The following CNIH3 variants were observed in gnomAD, a reference collection of about 807,000 sequenced individuals.
CNIH3 encodes protein cornichon homolog 3.
In CNIH3, 14 loss-of-function variants were observed where a neutral mutation model predicts 24.1. The observed-to-expected ratio is 0.58, with a 90% CI of 0.38 to 0.91. The LOEUF (loss-of-function observed/expected upper bound fraction) is 0.91. Ranked by LOEUF, CNIH3 falls within the 40% of genes least tolerant of loss-of-function variation. The probability of loss-of-function intolerance (pLI) is 0.00; values close to 1 mark genes in which losing one functional copy is unlikely to be tolerated. For synonymous variants in CNIH3, 68 were observed against 73.8 expected (o/e 0.92, Z 0.40); for missense variants, 178 against 196.8 (o/e 0.90, Z 0.57).
chr1:224,698,207 T>C (rs1000565267), intron 3 of CNIH3, among the ~76,000 whole-genome samples: 2 of 152,158 alleles, frequency 1.3e-5, no homozygotes, highest in African/African-American at 4.8e-5. Flanking sequence ...ATGCACTGAA[T>C]AAGTTAAATG....
intron 1 of CNIH3, among the ~76,000 whole-genome samples, chr1:224,498,438 G>A (rs1318920006): frequency 6.6e-6 from 1 of 152,128 alleles, no homozygotes; most frequent in Non-Finnish European, 1.5e-5. Context: ...GCAACTCTCT[G>A]GATTGGAAAC....
At chr1:224,470,335 T>C (rs1392671610) in intron 1 of CNIH3, among the ~76,000 whole-genome samples, 1 of 147,816 alleles carries the variant, frequency 6.8e-6, no homozygotes, top group Admixed American at 6.8e-5. Context: ...TTTTTTTTTT[T>C]AAGAGGTAGT....
At chr1:224,716,267 C>T (rs1006358338) in intron 3 of CNIH3, among the ~76,000 whole-genome samples, 1 of 152,198 alleles carries the variant, frequency 6.6e-6, no homozygotes, top group Non-Finnish European at 1.5e-5. Flanking sequence ...TTCCTAGAAT[C>T]CCAGACTCCA....
intron 1 of CNIH3, among the ~76,000 whole-genome samples, chr1:224,508,316 T>C (rs1227350509): frequency 6.6e-6 from 1 of 152,108 alleles, no homozygotes; most frequent in African/African-American, 2.4e-5. Context: ...TCTGGGAGAG[T>C]TGTAAATTCT....
chr1:224,626,072 C>T (rs905769914), intron 1 of CNIH3, among the ~76,000 whole-genome samples: 8 of 152,156 alleles, frequency 5.3e-5, no homozygotes, highest in South Asian at 2.1e-4. Context: ...ATTCACATTG[C>T]TTCTGAGTTG....
chr1:224,522,980 G>A (rs1678701170), intron 2 of CNIH3, among the ~76,000 whole-genome samples: 1 of 152,168 alleles, frequency 6.6e-6, no homozygotes, highest in African/African-American at 2.4e-5. Context: ...AAGCCCTTAA[G>A]CCCAGTGTTT....
intron 1 of CNIH3, among the ~76,000 whole-genome samples, chr1:224,667,539 A>C (rs1412463409): frequency 1.3e-5 from 2 of 152,210 alleles, no homozygotes; most frequent in African/African-American, 4.8e-5. Flanking sequence ...AGGAAACCCC[A>C]AAGGCTAACG....
At chr1:224,639,278 G>A (rs1450844203) in intron 1 of CNIH3, among the ~76,000 whole-genome samples, 1 of 152,232 alleles carries the variant, frequency 6.6e-6, no homozygotes, top group Admixed American at 6.5e-5. Context: ...ATGATGATGT[G>A]ATTCAGACCT....
chr1:224,530,194 G>A (rs559991872), intron 2 of CNIH3, among the ~76,000 whole-genome samples: 1 of 152,292 alleles, frequency 6.6e-6, no homozygotes, highest in South Asian at 2.1e-4. Context: ...AATGCCGGAG[G>A]GGACTAGAGA....
intron 1 of CNIH3, among the ~76,000 whole-genome samples, chr1:224,443,730 C>G (rs1675027146): frequency 6.7e-6 from 1 of 148,490 alleles, no homozygotes; most frequent in African/African-American, 2.5e-5. Context: ...GGCTGCTTCT[C>G]TGAGAGTAGA....
At chr1:224,647,279 G>T (rs181159829) in intron 1 of CNIH3, among the ~76,000 whole-genome samples, 1 of 152,224 alleles carries the variant, frequency 6.6e-6, no homozygotes, top group African/African-American at 2.4e-5. Context: ...CACTGTGCCC[G>T]TCCTACAGTC....
rs183839577 is a variant in CNIH3 at position 224,485,554 on chromosome 1, G to A, written n.204-30187G>A. On this transcript the variant is annotated intron_variant and non_coding_transcript_variant, in intron 1 of 5. Transcript: ENST00000471578. ...GTCACCCAGGCTGGAGTGCAGTGGC[G>A]TGATCATTGTTCACCACAGCCTTGA... 2.5e-4 allele frequency among the ~76,000 whole-genome samples: 38 copies of A among 152,034 alleles called. No homozygotes were observed. In the South Asian group the frequency reaches 2.9e-3, roughly 12 times the overall value.
chr1:224,710,940 C>CT, intron 3 of CNIH3, among the ~76,000 whole-genome samples: 1 of 152,288 alleles, frequency 6.6e-6, no homozygotes, highest in East Asian at 1.9e-4. Flanking sequence ...TTTTATCTCG[C>CT]TTACCTGGCT....
intron 1 of CNIH3, among the ~76,000 whole-genome samples, chr1:224,474,337 C>T (rs1425434591): frequency 6.7e-6 from 1 of 149,868 alleles, no homozygotes; most frequent in Non-Finnish European, 1.5e-5. Context: ...GCATTACAGC[C>T]TGGGCAGCAA....
chr1:224,720,787 A>G (rs1688679519), intron 3 of CNIH3, among the ~76,000 whole-genome samples: 2 of 152,172 alleles, frequency 1.3e-5, no homozygotes, highest in Admixed American at 6.5e-5. Context: ...ACTGGCAGAA[A>G]GGATTTCCAG....
intron 2 of CNIH3, among the ~76,000 whole-genome samples, chr1:224,531,383 C>A (rs766169824): frequency 1.1e-4 from 16 of 152,130 alleles, no homozygotes; most frequent in Non-Finnish European, 2.4e-4. Context: ...CACTGTGTAC[C>A]TTTATATAAT....
chr1:224,700,147 C>A (rs542300255), intron 3 of CNIH3, among the ~76,000 whole-genome samples: 2 of 152,158 alleles, frequency 1.3e-5, no homozygotes, highest in Admixed American at 6.5e-5. Flanking sequence ...TGGACTCTCT[C>A]CCCTGTATGG....
At chr1:224,508,416 TAA>T (rs1678004097) in intron 1 of CNIH3, among the ~76,000 whole-genome samples, 1 of 152,222 alleles carries the variant, frequency 6.6e-6, no homozygotes, top group African/African-American at 2.4e-5. Flanking sequence ...GTCTGTGTCT[TAA>T]TTGGAATTCC....
chr1:224,685,435 C>T (rs548337191), intron 3 of CNIH3, among the ~76,000 whole-genome samples: 1 of 152,322 alleles, frequency 6.6e-6, no homozygotes, highest in Non-Finnish European at 1.5e-5. Context: ...ACAGTTCAAA[C>T]TTGGTATTTA....
Sources: gnomAD v4.1 joint callset for allele counts (sites outside exome capture counted in the v4.1 genomes callset) on GRCh38, gnomAD v4.1.1 for gene constraint, MANE v1.5 for transcripts, NCBI Gene and HGNC (gene_info 2026-07-23, HGNC 2026-07-21) for gene names.